Variants in SHISA9 observed in about 807,000 individuals in gnomAD.
SHISA9 encodes the protein shisa family member 9.
SHISA9 carries 13 observed loss-of-function variants against 38.0 expected under a neutral mutation model. That is an observed-to-expected ratio of 0.34 (90% CI 0.22 to 0.54). SHISA9 has a LOEUF of 0.54. Among genes scored for constraint, SHISA9 ranks in the 20% least tolerant of loss-of-function variants. SHISA9 has a pLI of 0.91. For missense variants in SHISA9, 538 were observed against 575.8 expected (o/e 0.93, Z 0.67); for synonymous variants, 275 against 242.0 (o/e 1.14, Z -1.27).
At chr16:13,379,479 G>C in the SHISA9 span, among the ~76,000 whole-genome samples, 1 of 152,180 alleles carries the variant, frequency 6.6e-6, no homozygotes, top group African/African-American at 2.4e-5. Context: ...GCTCCAGCCT[G>C]CCTTTCCTGC....
chr16:12,965,836 G>A (rs531844320), intron 2 of SHISA9, among the ~76,000 whole-genome samples: 1 of 152,310 alleles, frequency 6.6e-6, no homozygotes, highest in East Asian at 1.9e-4. Flanking sequence ...CAGTAAATAA[G>A]AACACTATTG....
At chr16:13,003,889 T>TAATAATAATAATAAG (rs770958492) in intron 2 of SHISA9, among the ~76,000 whole-genome samples, 5 of 145,824 alleles carry the variant, frequency 3.4e-5, no homozygotes, top group African/African-American at 1.0e-4. Context: ...ATAATAATAA[T>TAATAATAATAATAAG]AAGAAGAAGA....
chr16:13,449,755 T>A, the SHISA9 span, among the ~76,000 whole-genome samples: 1 of 152,200 alleles, frequency 6.6e-6, no homozygotes, highest in Non-Finnish European at 1.5e-5. Flanking sequence ...TACCCATATG[T>A]CCCACCTTCA....
chr16:13,032,058 C>T (rs532836170), intron 2 of SHISA9, among the ~76,000 whole-genome samples: 20 of 151,650 alleles, frequency 1.3e-4, no homozygotes, highest in Non-Finnish European at 2.8e-4. Context: ...GCAGAACATG[C>T]AGGTTTGTTA....
intron 1 of SHISA9, chr16:12,908,841 G>A: frequency 1.5e-5 from 19 of 1,237,316 alleles, no homozygotes; most frequent in Middle Eastern, 3.3e-4. Flanking sequence ...CTCTACACTT[G>A]AAGCCAGTAG....
chr16:13,272,149 T>A, the SHISA9 span, among the ~76,000 whole-genome samples: 1 of 151,180 alleles, frequency 6.6e-6, no homozygotes, highest in Non-Finnish European at 1.5e-5. Context: ...CACTTGGTAA[T>A]GTTACCAAAA....
chr16:13,002,601 C>T (rs961957190), intron 2 of SHISA9, among the ~76,000 whole-genome samples: 4 of 144,768 alleles, frequency 2.8e-5, no homozygotes, highest in South Asian at 2.2e-4. Context: ...GGTGTGATCT[C>T]GGATCACTGC....
At chr16:13,092,995 C>A (rs745775492) in intron 2 of SHISA9, among the ~76,000 whole-genome samples, 1 of 152,188 alleles carries the variant, frequency 6.6e-6, no homozygotes, top group Admixed American at 6.5e-5. Flanking sequence ...ATTATATGAC[C>A]ATTAGAGATG....
At chr16:13,355,989 C>T in the SHISA9 span, among the ~76,000 whole-genome samples, 2 of 152,280 alleles carry the variant, frequency 1.3e-5, no homozygotes, top group South Asian at 2.1e-4. Flanking sequence ...TCCCAGGCTG[C>T]GGGCATTCCT....
the SHISA9 span, among the ~76,000 whole-genome samples, chr16:13,345,068 G>A: frequency 5.9e-5 from 9 of 151,908 alleles, no homozygotes; most frequent in East Asian, 1.2e-3. Context: ...TTGTTTAGTG[G>A]GTCACCCAAG....
chr16:13,190,658 G>A (rs142637898), intron 2 of SHISA9, among the ~76,000 whole-genome samples: 20 of 152,228 alleles, frequency 1.3e-4, no homozygotes, highest in Non-Finnish European at 1.8e-4. Flanking sequence ...GCCATGCTGC[G>A]GATCTGCCTC....
intron 2 of SHISA9, among the ~76,000 whole-genome samples, chr16:13,085,799 T>C (rs191285255): frequency 5.3e-5 from 8 of 152,274 alleles, no homozygotes; most frequent in Admixed American, 4.6e-4. Context: ...GGAACCTCTG[T>C]TGAAGGTTCT....
chr16:12,939,543 T>C (rs1203051253), intron 2 of SHISA9, among the ~76,000 whole-genome samples: 2 of 152,168 alleles, frequency 1.3e-5, no homozygotes, highest in Non-Finnish European at 2.9e-5. Flanking sequence ...GCGTGGACCA[T>C]AGTTCTCATT....
the SHISA9 span, among the ~76,000 whole-genome samples, chr16:13,327,452 C>G: frequency 1.3e-5 from 2 of 152,012 alleles, no homozygotes; most frequent in African/African-American, 4.8e-5. Context: ...TCCATCTCTA[C>G]TAAAAATACA....
chr16:13,241,165 G>T (rs988167121), downstream of SHISA9, among the ~76,000 whole-genome samples: 2 of 152,140 alleles, frequency 1.3e-5, no homozygotes, highest in African/African-American at 4.8e-5. Flanking sequence ...GGATGCTAAT[G>T]TTCAGACACT....
intron 1 of SHISA9, among the ~76,000 whole-genome samples, chr16:12,904,239 C>T (rs1250272739): frequency 6.6e-6 from 1 of 152,096 alleles, no homozygotes; most frequent in Non-Finnish European, 1.5e-5. Flanking sequence ...CGGGTGTCGC[C>T]TTGGTAGGGA....
intron 2 of SHISA9, among the ~76,000 whole-genome samples, chr16:12,985,842 T>C (rs2072301079): frequency 6.6e-6 from 1 of 152,164 alleles, no homozygotes; most frequent in Non-Finnish European, 1.5e-5. Context: ...AGCTGCTTTA[T>C]CTGTATATAA....
At chr16:13,276,982 C>A in the SHISA9 span, among the ~76,000 whole-genome samples, 3 of 152,018 alleles carry the variant, frequency 2.0e-5, no homozygotes, top group Admixed American at 6.6e-5. Context: ...ATCATAAAAT[C>A]CTTGCCTAAG....
chr16:13,416,381 A>G, the SHISA9 span, among the ~76,000 whole-genome samples: 155 of 152,308 alleles, frequency 1.0e-3, 1 homozygote, highest in African/African-American at 3.4e-3. Context: ...TGACCATATA[A>G]CACATAAGCA....
Sources: gnomAD v4.1 joint callset for allele counts (sites outside exome capture counted in the v4.1 genomes callset) on GRCh38, gnomAD v4.1.1 for gene constraint, MANE v1.5 for transcripts, NCBI Gene and HGNC (gene_info 2026-07-23, HGNC 2026-07-21) for gene names.